Variants in PSMD14 observed in about 807,000 individuals in gnomAD.
PSMD14 encodes the protein ubiquitin C-terminal hydrolase PSMD14.
Under a neutral mutation model 41.2 loss-of-function variants are expected in PSMD14, and 7 were observed. The observed-to-expected ratio is 0.17, with a 90% CI of 0.10 to 0.32. The LOEUF is 0.32. PSMD14 is among the 10% of genes least tolerant of loss of function. PSMD14 has a pLI of 1.00. For missense variants in PSMD14, 139 were observed against 375.6 expected (o/e 0.37, Z 5.21); for synonymous variants, 114 against 122.3 (o/e 0.93, Z 0.45).
chr2:161,332,158 G>A (rs1682802931), intron 3 of PSMD14, among the ~76,000 whole-genome samples: 1 of 152,116 alleles, frequency 6.6e-6, no homozygotes, highest in Non-Finnish European at 1.5e-5. Context: ...TCTTTATCCT[G>A]ACATGTAATA....
At chr2:161,341,242 GC>G (rs1682955450) in intron 3 of PSMD14, 1 of 994,766 alleles carries the variant, frequency 1.0e-6, no homozygotes, top group African/African-American at 1.8e-5. Context: ...GCCGCCCCAC[GC>G]CGCACCAGTA....
chr2:161,332,399 T>A (rs1278846259), intron 3 of PSMD14, among the ~76,000 whole-genome samples: 1 of 152,210 alleles, frequency 6.6e-6, no homozygotes, highest in African/African-American at 2.4e-5. Context: ...AAAAAAATTA[T>A]TTTGGGAAAA....
chr2:161,388,943 A>G (rs182335908), intron 8 of PSMD14, among the ~76,000 whole-genome samples: 4 of 152,274 alleles, frequency 2.6e-5, no homozygotes, highest in South Asian at 2.1e-4. Flanking sequence ...GGAGGAAGGC[A>G]CTGGGGGCAC....
intron 3 of PSMD14, among the ~76,000 whole-genome samples, chr2:161,363,742 C>G (rs896197968): frequency 6.6e-6 from 1 of 152,260 alleles, no homozygotes; most frequent in Middle Eastern, 3.4e-3. Flanking sequence ...ACAGGGCATT[C>G]GATTGGGATG....
At chr2:161,376,191 A>G (rs1028203650) in intron 7 of PSMD14, among the ~76,000 whole-genome samples, 7 of 151,186 alleles carry the variant, frequency 4.6e-5, no homozygotes, top group Non-Finnish European at 1.0e-4. Flanking sequence ...GGCCTGCATT[A>G]AAATCCCATT....
intron 10 of PSMD14, among the ~76,000 whole-genome samples, chr2:161,399,195 T>G (rs373498377): frequency 6.6e-6 from 1 of 152,250 alleles, no homozygotes; most frequent in South Asian, 2.1e-4. Flanking sequence ...TGTTTCCAAA[T>G]GGGAAGACTT....
intron 2 of PSMD14, 117 bp downstream of exon 2, chr2:161,316,686 A>T (rs1050798571): frequency 2.0e-5 from 3 of 152,238 alleles, no homozygotes; most frequent in African/African-American, 7.2e-5. Context: ...TGATAACCAG[A>T]TTTTGAAAAG....
intron 3 of PSMD14, among the ~76,000 whole-genome samples, chr2:161,329,899 A>C (rs1682760420): frequency 6.6e-6 from 1 of 152,148 alleles, no homozygotes; most frequent in African/African-American, 2.4e-5. Flanking sequence ...TCTGTGAAAA[A>C]TAGGGTGTTC....
chr2:161,331,765 TA>T (rs1298567722), intron 3 of PSMD14, among the ~76,000 whole-genome samples: 12 of 151,920 alleles, frequency 7.9e-5, no homozygotes, highest in Non-Finnish European at 1.2e-4. Flanking sequence ...CTCTGGAATT[TA>T]AAAAAAATGG....
chr2:161,348,429 G>C (rs527379912), intron 3 of PSMD14, among the ~76,000 whole-genome samples: 1 of 152,182 alleles, frequency 6.6e-6, no homozygotes, highest in African/African-American at 2.4e-5. Context: ...TTTGCCGATA[G>C]GTTGTAGTTT....
rs116255458 is a variant in PSMD14 at position 161,356,791 on chromosome 2, A to C, written c.49-10687A>C. ...TTTTTTTTTTTTTACAAATTTTTGA[A>C]ATGTTTAATGTCATTTCCCGAGATA... On this transcript the variant is annotated intron_variant, in intron 3 of 11. Transcript: ENST00000409682. Among the ~76,000 whole-genome samples, 299 of 149,088 alleles carry C rather than the reference A, an allele frequency of 2.0e-3. 2 individuals carry two copies. The highest frequency in any genetic ancestry group is 7.1e-3 in the African/African-American group (290 of 40,592).
rs147393558 is a variant in PSMD14, at chr2:161,404,431, A to C, written c.772-4406A>C. Among the ~76,000 whole-genome samples, 1,112 of 152,324 alleles carry C rather than the reference A, an allele frequency of 7.3e-3. 15 individuals carry two copies. Among genetic ancestry groups the C allele is most frequent in the African/African-American group, 0.025 (1,025 of 41,566 alleles). On this transcript the variant is annotated intron_variant, in intron 10 of 11. Coordinates refer to ENST00000409682, the MANE Select transcript of PSMD14 (RefSeq NM_005805.6). ...ACTGTTATTAACTAATATTAACATA[A>C]TATAAACTAAAATTTAAGGAAATGC...
chr2:161,326,753 C>T (rs1177165031), intron 3 of PSMD14, among the ~76,000 whole-genome samples: 2 of 152,204 alleles, frequency 1.3e-5, no homozygotes, highest in African/African-American at 2.4e-5. Flanking sequence ...ATACCAAAAT[C>T]TATGGCTGCT....
At chr2:161,408,640 T>G in intron 10 of PSMD14, 197 bp from the exon 11 acceptor site, 2 of 500,928 alleles carry the variant, frequency 4.0e-6, no homozygotes, top group Non-Finnish European at 7.2e-6. Flanking sequence ...TTGTCTGTTT[T>G]CAAAATGATG....
chr2:161,314,388 G>T (rs1017862810), intron 1 of PSMD14, among the ~76,000 whole-genome samples: 44 of 152,258 alleles, frequency 2.9e-4, no homozygotes, highest in African/African-American at 1.0e-3. Flanking sequence ...AATCTATTAA[G>T]GGGAAATTCA....
rs771890059 is a variant in PSMD14, at chr2:161,370,013, A to G, written c.241-94A>G. 4.8e-6 allele frequency: 4 copies of G among 836,328 alleles called. No homozygotes were observed. In the East Asian group the frequency reaches 1.1e-4, roughly 23 times the overall value. The allele number at this position is 836,328 out of a possible 1,614,324, so 51.8% of individuals were successfully genotyped here. A position where few individuals can be genotyped will look rare whatever the true frequency, so the allele number is the denominator to read the frequency against. On this transcript the variant is annotated intron_variant, in intron 5 of 11. Coordinates refer to ENST00000409682, the MANE Select transcript of PSMD14 (RefSeq NM_005805.6). ...GTATCAAATGTAGGTATCAAAACCT[A>G]TAAAATGATTTTGGCAACCCCAAAT... is the stretch of plus-strand genomic sequence containing the variant.
At chr2:161,323,410 T>C (rs2105232832) in intron 3 of PSMD14, among the ~76,000 whole-genome samples, 1 of 152,318 alleles carries the variant, frequency 6.6e-6, no homozygotes, top group South Asian at 2.1e-4. Context: ...ATGCCTGCAA[T>C]CTCAGCCCTT....
chr2:161,411,239 TTAAG>T, intron 11 of PSMD14, 59 bp from the exon 12 acceptor site: 1 of 1,129,130 alleles, frequency 8.9e-7, no homozygotes, highest in East Asian at 2.6e-5. Context: ...TGAAAAAAAT[TTAAG>T]TAATTTATCT....
At chr2:161,381,710 G>A (rs1303174461) in intron 7 of PSMD14, 1 of 151,838 alleles carries the variant, frequency 6.6e-6, no homozygotes, top group Non-Finnish European at 1.5e-5. Context: ...TTTAAACTGA[G>A]TTTTAAGTAA....
Sources: gnomAD v4.1 joint callset for allele counts (sites outside exome capture counted in the v4.1 genomes callset) on GRCh38, gnomAD v4.1.1 for gene constraint, MANE v1.5 for transcripts, NCBI Gene and HGNC (gene_info 2026-07-23, HGNC 2026-07-21) for gene names.